GREB1: variants seen among roughly 807,000 people sequenced by gnomAD.
GREB1 encodes protein GREB1.
GREB1 carries 106 observed loss-of-function variants against 200.7 expected under a neutral mutation model. The ratio of observed to expected loss-of-function variants is 0.53; its 90% confidence interval spans 0.45 to 0.62. The LOEUF is 0.62. Ranked by LOEUF, GREB1 falls within the 20% of genes least tolerant of loss-of-function variation. GREB1 has a pLI of 0.00. For missense variants in GREB1, 2,243 were observed against 2,556.8 expected (o/e 0.88, Z 2.65); for synonymous variants, 1,132 against 1,092.4 (o/e 1.04, Z -0.72).
In GREB1 at chr2:11,520,433, T is replaced by C. The variant is rs1475954652; in HGVS notation, c.-158-36024T>C. Among the ~76,000 whole-genome samples the C allele has an allele frequency of 2.0e-5, 3 of 152,190 alleles. No homozygotes were observed. The East Asian group carries it at 5.8e-4, about 29-fold the overall frequency. On this transcript the variant is annotated intron_variant, in intron 1 of 2. Transcript: ENST00000628795. Reference sequence around the variant, plus strand: ...CCTGTGGCTCCAGGAGGAATCTGTTTCCTTATTTGGGTTGTTGGCATAATT... The same window carrying C: ...CCTGTGGCTCCAGGAGGAATCTGTTCCCTTATTTGGGTTGTTGGCATAATT...
intron 3 of GREB1, 136 bp from the exon 4 acceptor site, chr2:11,566,344 G>T: frequency 1.3e-6 from 1 of 745,042 alleles, no homozygotes. Context: ...TATCTCTCAG[G>T]ATTAATTTTG....
At chr2:11,521,086 G>A (rs1673688787) in intron 1 of GREB1, among the ~76,000 whole-genome samples, 1 of 152,098 alleles carries the variant, frequency 6.6e-6, no homozygotes, top group Non-Finnish European at 1.5e-5. Flanking sequence ...AGGGAGGGAT[G>A]AATTTATGCT....
chr2:11,585,353 C>T (rs140697442), intron 8 of GREB1, 79 bp downstream of exon 8: 53 of 826,290 alleles, frequency 6.4e-5, no homozygotes, highest in East Asian at 1.6e-4. Flanking sequence ...TGTATGTGTG[C>T]GTGTGTGCGT....
rs138895991 is a variant in GREB1 at position 11,608,623 on chromosome 2, G to A, written c.2667-2065G>A. The stretch of plus-strand genomic sequence containing the variant: ...GGACCAGAGCAGTATTTAATGTAGC[G>A]CTAACTTTGCCCATTACTGAGACAA... On this transcript the variant is annotated intron_variant, in intron 17 of 32. Transcript: ENST00000381486. 8.5e-5 allele frequency among the ~76,000 whole-genome samples: 13 copies of A among 152,256 alleles called. No individual in the cohort carries two copies. The East Asian group carries it at 1.4e-3, about 16-fold the overall frequency.
chr2:11,533,494 TG>T (rs1414679376), upstream of GREB1, among the ~76,000 whole-genome samples: 1 of 152,238 alleles, frequency 6.6e-6, no homozygotes, highest in Non-Finnish European at 1.5e-5. Context: ...GGGCAGGGAC[TG>T]GACCCAGGCA....
At chr2:11,573,075 C>T (rs1387504362) in intron 4 of GREB1, among the ~76,000 whole-genome samples, 1 of 152,128 alleles carries the variant, frequency 6.6e-6, no homozygotes, top group African/African-American at 2.4e-5. Flanking sequence ...GTGTTAGTTA[C>T]CTGCCTCACA....
At chr2:11,516,311 GGTGTGTGTGTGT>G (rs60141733) in intron 1 of GREB1, among the ~76,000 whole-genome samples, 8 of 143,860 alleles carry the variant, frequency 5.6e-5, no homozygotes, top group African/African-American at 1.8e-4. Flanking sequence ...TTTTCCTGCA[GGTGTGTGTGTGT>G]GTGTGTGTGT....
intron 1 of GREB1, among the ~76,000 whole-genome samples, chr2:11,501,843 T>A (rs916171638): frequency 6.6e-6 from 1 of 151,302 alleles, no homozygotes; most frequent in Non-Finnish European, 1.5e-5. Context: ...GTTCCCTTTT[T>A]ATTTATGTTT....
chr2:11,599,519 A>ATT lies in GREB1; in HGVS notation c.2333+676_2333+677dup, dbSNP rs11367888. ...CACGCCCAGCTAATTTCGTTTTTGT[A>ATT]TTTTTTTTTTTTTTTTTTGAGACAG... On this transcript the variant is annotated intron_variant, in intron 15 of 32. Transcript: ENST00000381486. Among the ~76,000 whole-genome samples the ATT allele has an allele frequency of 6.2e-3, 616 of 99,742 alleles. 15 individuals carry two copies. Among genetic ancestry groups the ATT allele is most frequent in the African/African-American group, 0.023 (542 of 23,158 alleles). The allele number at this position is 99,742 out of a possible 152,430, so 65.4% of individuals were successfully genotyped here. A position where few individuals can be genotyped will look rare whatever the true frequency, so the allele number is the denominator to read the frequency against.
At chr2:11,555,491 C>T (rs1676342478) in intron 1 of GREB1, among the ~76,000 whole-genome samples, 1 of 152,126 alleles carries the variant, frequency 6.6e-6, no homozygotes, top group Non-Finnish European at 1.5e-5. Flanking sequence ...ATCTCCCATC[C>T]CTTCCCATCT....
Position 11,632,959 on chromosome 2 carries a change from G to A in GREB1, c.4887G>A (p.Glu1629=). 6.2e-7 allele frequency: 1 copy of A among 1,614,236 alleles called. No individual in the cohort carries two copies. Among genetic ancestry groups the A allele is most frequent in the Admixed American group, 1.7e-5 (1 of 60,028 alleles). The change falls in exon 28 of 33, where the codon GAG becomes GAA. Residue 1629 remains glutamate, a synonymous_variant. Transcript: ENST00000381486. The stretch of plus-strand genomic sequence containing the variant: ...AGCTCGAGCGGAACCGGCAGGAGGA[G>A]CTGGGAATCAAGCCGCAGGACATCT... ...NLELERNRQE[E]LGIKPQDIWP...
intron 17 of GREB1, among the ~76,000 whole-genome samples, chr2:11,606,376 A>G (rs1233590849): frequency 2.6e-5 from 4 of 152,338 alleles, no homozygotes; most frequent in Non-Finnish European, 4.4e-5. Flanking sequence ...TCATTCTAAT[A>G]GGTATGAGGT....
chr2:11,592,694 G>A, intron 10 of GREB1, 82 bp from the exon 11 acceptor site: 1 of 861,708 alleles, frequency 1.2e-6, no homozygotes, highest in Non-Finnish European at 1.7e-6. Context: ...AACTTAGGTG[G>A]GTACTTTCAC....
intron 23 of GREB1, among the ~76,000 whole-genome samples, chr2:11,622,721 A>G (rs1039608012): frequency 6.6e-6 from 1 of 152,194 alleles, no homozygotes; most frequent in Non-Finnish European, 1.5e-5. Context: ...ATTTAGATAG[A>G]GGCAAGAAAG....
Position 11,595,363 on chromosome 2 carries a change from T to G in GREB1, c.1809T>G (p.Phe603Leu), listed in dbSNP as rs756081000. The G allele has an allele frequency of 6.2e-7, 1 of 1,613,724 alleles. No individual in the cohort carries two copies. The highest frequency in any genetic ancestry group is 2.2e-5 in the East Asian group (1 of 44,864). The change falls in exon 12 of 33, where the codon TTT becomes TTG. Residue 603 changes from phenylalanine (F) to leucine (L), a missense_variant. Phe to Leu is a conservative substitution (Grantham distance 22). Around this residue, in one of 3 missense-constraint regions of GREB1, gnomAD observed 1,178 missense variants for 1,387.4 expected, o/e 0.85. Coordinates refer to ENST00000381486, the MANE Select transcript of GREB1 (RefSeq NM_014668.4). ...AGGTAGACTCGCTGGGGGCCTTCTT[T>G]AGCACCCTCTGTCCAGGTAGGCTTG... is the stretch of plus-strand genomic sequence containing the variant. ...TGKVDSLGAF[F>L]STLCPEGDID...
intron 3 of GREB1, 107 bp downstream of exon 3, chr2:11,562,689 G>C: frequency 2.3e-6 from 3 of 1,308,740 alleles, no homozygotes; most frequent in Non-Finnish European, 3.1e-6. Context: ...GGTCCTCTTT[G>C]CTCTTCCTCT....
intron 1 of GREB1, among the ~76,000 whole-genome samples, chr2:11,487,549 G>C (rs1264382923): frequency 6.6e-6 from 1 of 152,086 alleles, no homozygotes; most frequent in Non-Finnish European, 1.5e-5. Context: ...ATATTTTAGG[G>C]GTAGTGTGAG....
intron 2 of GREB1, among the ~76,000 whole-genome samples, chr2:11,557,611 G>A (rs1331104109): frequency 6.6e-6 from 1 of 152,208 alleles, no homozygotes; most frequent in African/African-American, 2.4e-5. Context: ...GAAGAACGAG[G>A]TGTGGAGGTG....
chr2:11,575,436 A>C (rs1345924353), intron 4 of GREB1, among the ~76,000 whole-genome samples: 1 of 152,212 alleles, frequency 6.6e-6, no homozygotes, highest in Non-Finnish European at 1.5e-5. Context: ...TCTGGATTTT[A>C]ATAGCTTCCA....
Sources: gnomAD v4.1 joint callset for allele counts (sites outside exome capture counted in the v4.1 genomes callset) on GRCh38, gnomAD v4.1.1 for gene constraint, gnomAD v4.1.1 regional missense constraint, MANE v1.5 for transcripts, NCBI Gene and HGNC (gene_info 2026-07-23, HGNC 2026-07-21) for gene names.